The following CENPP variants were observed in gnomAD, a reference collection of about 807,000 sequenced individuals.
The protein encoded by CENPP is centromere protein P.
In CENPP, 24 loss-of-function variants were observed where a neutral mutation model predicts 35.6. That is an observed-to-expected ratio of 0.67 (90% CI 0.49 to 0.95). CENPP has a LOEUF of 0.95. Among genes scored for constraint, CENPP ranks in the 40% least tolerant of loss-of-function variants. CENPP has a pLI of 0.00. For missense variants in CENPP, 332 were observed against 345.3 expected (o/e 0.96, Z 0.31); for synonymous variants, 120 against 125.5 (o/e 0.96, Z 0.29).
intron 5 of CENPP, among the ~76,000 whole-genome samples, chr9:92,386,917 G>A (rs140934049): frequency 0.031 from 4,654 of 151,806 alleles, 109 homozygotes; most frequent in South Asian, 0.083. Context: ...GCGTGGTGGT[G>A]GGCGCCTGTA....
chr9:92,515,757 G>C (rs1332386870), intron 5 of CENPP, among the ~76,000 whole-genome samples: 1 of 152,152 alleles, frequency 6.6e-6, no homozygotes, highest in Non-Finnish European at 1.5e-5. Context: ...CTGAAATTCA[G>C]AATTATAGAG....
intron 5 of CENPP, among the ~76,000 whole-genome samples, chr9:92,504,555 A>C (rs906967521): frequency 3.3e-5 from 5 of 152,072 alleles, no homozygotes; most frequent in Non-Finnish European, 7.4e-5. Context: ...TGGTTTGTAG[A>C]GACAGGGTCT....
intron 5 of CENPP, among the ~76,000 whole-genome samples, chr9:92,545,844 C>A (rs1475549061): frequency 6.6e-6 from 1 of 152,186 alleles, no homozygotes; most frequent in Non-Finnish European, 1.5e-5. Flanking sequence ...GTGTCTAGCT[C>A]AAGGTTTGGT....
At chr9:92,442,709 C>T (rs575102208) in intron 5 of CENPP, among the ~76,000 whole-genome samples, 37 of 151,820 alleles carry the variant, frequency 2.4e-4, no homozygotes, top group African/African-American at 8.7e-4. Flanking sequence ...ATTAGCCAGG[C>T]GTGGTGGTGG....
intron 4 of CENPP, among the ~76,000 whole-genome samples, chr9:92,358,505 A>G (rs749166300): frequency 2.0e-5 from 3 of 152,094 alleles, no homozygotes; most frequent in Non-Finnish European, 4.4e-5. Flanking sequence ...TGGCCTCCCA[A>G]AGTGCTAGGA....
At chr9:92,537,969 GA>G (rs1228292727) in intron 5 of CENPP, among the ~76,000 whole-genome samples, 3 of 152,000 alleles carry the variant, frequency 2.0e-5, no homozygotes, top group East Asian at 3.8e-4. Flanking sequence ...TTTTTTGGGG[GA>G]AAAAAATGTT....
chr9:92,468,509 A>G (rs1412205002), intron 5 of CENPP, among the ~76,000 whole-genome samples: 1 of 152,224 alleles, frequency 6.6e-6, no homozygotes, highest in East Asian at 1.9e-4. Flanking sequence ...GATTGTGTTC[A>G]GTGATTTTGC....
intron 5 of CENPP, among the ~76,000 whole-genome samples, chr9:92,396,201 T>C (rs1842883818): frequency 6.6e-6 from 1 of 152,228 alleles, no homozygotes; most frequent in South Asian, 2.1e-4. Context: ...TGGATTTTAT[T>C]TTGTTCTGGT....
At chr9:92,489,992 G>A (rs1008751959) in intron 5 of CENPP, among the ~76,000 whole-genome samples, 8 of 152,188 alleles carry the variant, frequency 5.3e-5, no homozygotes, top group Non-Finnish European at 1.0e-4. Flanking sequence ...TAAGAAATCA[G>A]TTATTTTAAA....
intron 4 of CENPP, among the ~76,000 whole-genome samples, chr9:92,358,948 C>CTT (rs1841664343): frequency 9.6e-6 from 1 of 104,528 alleles, no homozygotes; most frequent in African/African-American, 4.9e-5. Flanking sequence ...TTTTTTCTTT[C>CTT]TTTCTTTTTT....
chr9:92,485,131 T>C lies in CENPP; in HGVS notation c.564+105272T>C, dbSNP rs557931725. ...GTGCAGCAGGCACGAACGTGCCATC[T>C]GGGAAGAAACTGGAGTTTATCTCCA... On this transcript the variant is annotated intron_variant, in intron 5 of 7. Transcript: ENST00000375587. 5.9e-5 allele frequency among the ~76,000 whole-genome samples: 9 copies of C among 152,324 alleles called. No individual in the cohort carries two copies. The South Asian group carries it at 1.9e-3, about 32-fold the overall frequency.
At chr9:92,506,812 G>T (rs1241405708) in intron 5 of CENPP, among the ~76,000 whole-genome samples, 1 of 152,212 alleles carries the variant, frequency 6.6e-6, no homozygotes, top group African/African-American at 2.4e-5. Context: ...CTCAGGGAGA[G>T]AGGAGACTAG....
chr9:92,505,537 A>G lies in CENPP; in HGVS notation c.565-105777A>G, dbSNP rs534728316. The G allele has an allele frequency of 3.8e-5, 60 of 1,593,962 alleles. No homozygotes were observed. Among genetic ancestry groups the G allele is most frequent in the South Asian group, 2.3e-4 (20 of 85,978 alleles). ...ACTAAAAAAATATATTGTTACCTCA[A>G]TAGAACCAGGAAGACCCTGCGGTAT... On this transcript the variant is annotated intron_variant, in intron 5 of 7. Transcript: ENST00000375587.
At chr9:92,402,972 T>A (rs917463161) in intron 5 of CENPP, among the ~76,000 whole-genome samples, 1 of 152,224 alleles carries the variant, frequency 6.6e-6, no homozygotes, top group South Asian at 2.1e-4. Context: ...TGGTGAGGGA[T>A]CATCTTAAAG....
intron 5 of CENPP, among the ~76,000 whole-genome samples, chr9:92,532,445 C>A (rs1349341722): frequency 6.6e-6 from 1 of 151,918 alleles, no homozygotes; most frequent in Non-Finnish European, 1.5e-5. Flanking sequence ...TCCCTTTTTT[C>A]ATTCTTTCTA....
intron 5 of CENPP, among the ~76,000 whole-genome samples, chr9:92,510,482 T>G (rs1485728009): frequency 6.6e-6 from 1 of 152,218 alleles, no homozygotes; most frequent in Non-Finnish European, 1.5e-5. Flanking sequence ...TTTTATCTAC[T>G]CCAGAAAGGT....
chr9:92,393,316 T>TTGCTATTATGAA, intron 5 of CENPP: 1 of 1,213,880 alleles, frequency 8.2e-7, no homozygotes, highest in Admixed American at 2.3e-5. Flanking sequence ...AGTAAAATTA[T>TTGCTATTATGAA]TGCTATTATG....
intron 5 of CENPP, among the ~76,000 whole-genome samples, chr9:92,407,229 C>T (rs1843330200): frequency 6.6e-6 from 1 of 152,122 alleles, no homozygotes; most frequent in Non-Finnish European, 1.5e-5. Flanking sequence ...TGATTGAATT[C>T]AGCCTCCTGG....
rs530119523 is a variant in CENPP at position 92,569,719 on chromosome 9, A to G, written c.565-41595A>G. 2.0e-3 allele frequency among the ~76,000 whole-genome samples: 308 copies of G among 152,298 alleles called. 2 individuals are homozygous for G. Among genetic ancestry groups the G allele is most frequent in the African/African-American group, 7.0e-3 (290 of 41,550 alleles). On this transcript the variant is annotated intron_variant, in intron 5 of 7. Coordinates refer to ENST00000375587, the MANE Select transcript of CENPP (RefSeq NM_001012267.3). ...GATTCTTCCTATCCATGAGCATGGA[A>G]TGTTCTTCCATTTGTTTGTGTCCCT...
Sources: allele counts gnomAD v4.1 joint callset (sites outside exome capture counted in the v4.1 genomes callset), GRCh38; gene constraint gnomAD v4.1.1; transcripts MANE v1.5; gene names NCBI Gene and HGNC (gene_info 2026-07-23, HGNC 2026-07-21).